EFNB2: variants seen among roughly 807,000 people sequenced by gnomAD.
The protein encoded by EFNB2 is ephrin B2, also known as ephrin-B2.
A neutral mutation model predicts 32.1 loss-of-function variants in EFNB2; 5 were observed. The ratio of observed to expected loss-of-function variants is 0.16; its 90% CI spans 0.08 to 0.33. The LOEUF is 0.33. Ranked by LOEUF, EFNB2 falls within the 10% of genes least tolerant of loss-of-function variation. The pLI is 1.00. For synonymous variants in EFNB2, 168 were observed against 166.5 expected (o/e 1.01, Z -0.07); for missense variants, 263 against 422.6 (o/e 0.62, Z 3.31).
intron 1 of EFNB2, among the ~76,000 whole-genome samples, chr13:106,526,601 CTACGAGAACT>C (rs1379805398): frequency 1.3e-5 from 2 of 152,072 alleles, no homozygotes; most frequent in Non-Finnish European, 2.9e-5. Context: ...GATTCAAGGC[CTACGAGAACT>C]TGCTTTTTTT....
chr13:106,525,959 T>C (rs1023168184), intron 1 of EFNB2, among the ~76,000 whole-genome samples: 1 of 152,206 alleles, frequency 6.6e-6, no homozygotes, highest in Non-Finnish European at 1.5e-5. Context: ...ACAGCTTTAA[T>C]GTTGAGTTGT....
At chr13:106,494,765 T>G in intron 4 of EFNB2, 116 bp downstream of exon 4, 1 of 753,136 alleles carries the variant, frequency 1.3e-6, no homozygotes. Context: ...CTGATCACTG[T>G]AACTTCCAGC....
rs1878336450 is a variant in EFNB2 at position 106,489,770 on chromosome 13, AT to A, written c.*3269del. On this transcript the variant is annotated 3_prime_UTR_variant, in exon 5 of 5. Transcript: ENST00000646441. ...TTTTTCCATAGGAAAAAAATATTTT[AT>A]TTTTTTAAGAACAAATTCAGTTTGA... The A allele has an allele frequency of 6.6e-6, 1 of 152,604 alleles. No homozygotes were observed. The highest frequency in any genetic ancestry group is 2.4e-5 in the African/African-American group (1 of 41,450). 9.5% of individuals were successfully genotyped at this position (152,604 alleles called of 1,614,324 possible).
intron 2 of EFNB2, among the ~76,000 whole-genome samples, chr13:106,511,920 A>G (rs1164333444): frequency 6.6e-6 from 1 of 152,178 alleles, no homozygotes; most frequent in Non-Finnish European, 1.5e-5. Context: ...AGCGTGTCAA[A>G]TTATATATAT....
At chr13:106,503,518 T>C (rs945371383) in intron 2 of EFNB2, among the ~76,000 whole-genome samples, 1 of 152,144 alleles carries the variant, frequency 6.6e-6, no homozygotes, top group African/African-American at 2.4e-5. Context: ...GCCCATCCTG[T>C]GGAACATGGG....
intron 1 of EFNB2, among the ~76,000 whole-genome samples, chr13:106,534,369 C>T (rs568918804): frequency 0.012 from 1,770 of 152,288 alleles, 18 homozygotes; most frequent in Non-Finnish European, 0.019. Flanking sequence ...CTCTCCAGAA[C>T]GCGCTTCGCT....
At position 106,493,238 on chromosome 13, in the gene EFNB2, C is replaced by A; in HGVS notation, c.804G>T (p.Ser268=). ...KHSPQHTTTL[S]LSTLATPKRS... ...GCTTGGGTGTGGCCAGTGTGCTGAGCGACAGCGTGGTCGTGTGCTGCGGCG... is the reference window on the plus strand; with the variant it reads ...GCTTGGGTGTGGCCAGTGTGCTGAGAGACAGCGTGGTCGTGTGCTGCGGCG... Residue 268 remains serine, a synonymous_variant, in exon 5 of 5, where the codon TCG becomes TCT. Coordinates refer to ENST00000646441, the MANE Select transcript of EFNB2 (RefSeq NM_004093.4). This position sits in a 1 kb window ranked among gnomAD's most constrained non-coding sequence, Gnocchi z 6.1. 1 of 1,614,170 alleles carries A rather than the reference C, an allele frequency of 6.2e-7. No individual in the cohort carries two copies. The highest frequency in any genetic ancestry group is 8.5e-7 in the Non-Finnish European group (1 of 1,180,038).
chr13:106,511,460 A>C (rs959059205), intron 2 of EFNB2, among the ~76,000 whole-genome samples: 6 of 152,172 alleles, frequency 3.9e-5, no homozygotes, highest in African/African-American at 1.4e-4. Context: ...CAGCCTCGGC[A>C]ACAAAGCTAG....
intron 2 of EFNB2, 47 bp from the exon 3 acceptor site, chr13:106,495,887 G>A: frequency 6.4e-7 from 1 of 1,555,810 alleles, no homozygotes; most frequent in South Asian, 1.2e-5. Context: ...AGAAAAATCA[G>A]GAAATCAATA....
intron 2 of EFNB2, among the ~76,000 whole-genome samples, chr13:106,502,616 G>T (rs1280731881): frequency 6.6e-6 from 1 of 152,220 alleles, no homozygotes; most frequent in Non-Finnish European, 1.5e-5. Context: ...CTTGGACACT[G>T]AGGGAGAAGG....
intron 1 of EFNB2, 57 bp from the exon 2 acceptor site, chr13:106,512,869 C>G (rs1879188387): frequency 7.0e-7 from 1 of 1,430,560 alleles, no homozygotes; most frequent in African/African-American, 1.4e-5. Context: ...GTATTAATGA[C>G]AGTTACAAGA....
intron 2 of EFNB2, chr13:106,505,934 T>TAC (rs747891719): frequency 6.6e-6 from 1 of 152,354 alleles, no homozygotes; most frequent in Non-Finnish European, 1.5e-5. Context: ...TTTTTCTTCT[T>TAC]ACACACAGAG....
chr13:106,525,244 T>C (rs1261898252), intron 1 of EFNB2, among the ~76,000 whole-genome samples: 2 of 152,214 alleles, frequency 1.3e-5, no homozygotes, highest in Non-Finnish European at 2.9e-5. Context: ...CTCCTAAAGC[T>C]ACCCAGCTAA....
chr13:106,504,734 G>C (rs1034611241), intron 2 of EFNB2, among the ~76,000 whole-genome samples: 1 of 152,078 alleles, frequency 6.6e-6, no homozygotes, highest in African/African-American at 2.4e-5. Flanking sequence ...CCAGCTTGAG[G>C]GTCTGCCAAT....
chr13:106,494,805 T>C, intron 4 of EFNB2, 76 bp downstream of exon 4: 1 of 1,159,622 alleles, frequency 8.6e-7, no homozygotes, highest in East Asian at 2.3e-5. Flanking sequence ...GTCTTTAGAC[T>C]CTGCCCTACC....
At chr13:106,504,486 C>G (rs982062508) in intron 2 of EFNB2, among the ~76,000 whole-genome samples, 7 of 152,146 alleles carry the variant, frequency 4.6e-5, no homozygotes, top group Admixed American at 4.6e-4. Flanking sequence ...AGTAGTAACC[C>G]CAATAAGGTG....
intron 1 of EFNB2, among the ~76,000 whole-genome samples, chr13:106,530,161 A>G (rs1443532089): frequency 6.6e-6 from 1 of 152,180 alleles, no homozygotes; most frequent in Non-Finnish European, 1.5e-5. Flanking sequence ...TATAGAGACA[A>G]TGAAGCCACA....
chr13:106,521,058 G>A (rs1040080455), intron 1 of EFNB2: 45 of 152,232 alleles, frequency 3.0e-4, no homozygotes, highest in African/African-American at 1.1e-3. Context: ...TATGTGTGTT[G>A]GAACAATTGC....
chr13:106,517,231 T>TA (rs1281177928), intron 1 of EFNB2: 1 of 152,226 alleles, frequency 6.6e-6, no homozygotes. Flanking sequence ...GGATGCCAAA[T>TA]ACAGATTTCT....
Sources: allele counts gnomAD v4.1 joint callset (sites outside exome capture counted in the v4.1 genomes callset), GRCh38; gene constraint gnomAD v4.1.1; non-coding constraint Gnocchi (gnomAD v3.1); transcripts MANE v1.5; gene names NCBI Gene and HGNC (gene_info 2026-07-23, HGNC 2026-07-21).